Variants in PRPF40B observed in about 807,000 individuals in gnomAD.
PRPF40B encodes the protein pre-mRNA processing factor 40B.
A neutral mutation model predicts 124.5 loss-of-function variants in PRPF40B; 56 were observed. The observed-to-expected ratio is 0.45, with a 90% CI of 0.36 to 0.56. PRPF40B has a LOEUF of 0.56. PRPF40B is among the 20% of genes least tolerant of loss of function. The probability of loss-of-function intolerance (pLI) is 0.00; values close to 1 mark genes in which losing one functional copy is unlikely to be tolerated. For missense variants in PRPF40B, 1,053 were observed against 1,169.5 expected, an observed-to-expected ratio of 0.90 and a Z score of 1.45; for synonymous variants, 443 against 426.4, an observed-to-expected ratio of 1.04 and a Z score of -0.48.
At chr12:49,634,867 T>C in intron 12 of PRPF40B, 1 of 634,456 alleles carries the variant, frequency 1.6e-6, no homozygotes, top group Non-Finnish European at 2.7e-6. Context: ...CTGGATAGGG[T>C]GACTTGAGAA....
chr12:49,641,924 T>C lies in PRPF40B; in HGVS notation c.1784T>C (p.Val595Ala). Reference protein sequence around the residue: ...KDILKDRGFCVEVNTAFEDFA... With the variant: ...KDILKDRGFCAEVNTAFEDFA... ...TACCCACAGGACCGGGGCTTCTGCGTGGAGGTGAACACGGCCTTTGAGGAC... is the reference window on the plus strand; with the variant it reads ...TACCCACAGGACCGGGGCTTCTGCGCGGAGGTGAACACGGCCTTTGAGGAC... The change falls in exon 19 of 26, where the codon GTG becomes GCG. Residue 595 changes from valine to alanine, a missense_variant. Val to Ala is a moderately conservative substitution (Grantham distance 64, BLOSUM62 0). This residue lies in a region of PRPF40B where 895 missense variants were observed against 1,052.2 expected (regional missense o/e 0.85). Coordinates refer to ENST00000548825, the MANE Select transcript of PRPF40B (RefSeq NM_001031698.3). 1 of 1,613,550 alleles carries C rather than the reference T, an allele frequency of 6.2e-7. No individual in the cohort carries two copies. The highest frequency in any genetic ancestry group is 1.1e-5 in the South Asian group (1 of 91,066).
intron 1 of PRPF40B, chr12:49,624,154 ACT>A: frequency 1.0e-6 from 1 of 985,268 alleles, no homozygotes; most frequent in Non-Finnish European, 1.2e-6. Context: ...CAAACTAACG[ACT>A]CTGTGTGACC....
At chr12:49,641,887 C>T in intron 18 of PRPF40B, 21 bp from the exon 19 acceptor site, 1 of 1,607,632 alleles carries the variant, frequency 6.2e-7, no homozygotes, top group Non-Finnish European at 8.5e-7. Context: ...GCCCCTGCTT[C>T]ATGCACTGCT....
chr12:49,633,464 C>G lies in PRPF40B; in HGVS notation c.497C>G (p.Ser166Trp). ...LSQCPWKEYK[S>W]DTGKPYYYNN... ...CAATGTCCCTGGAAAGAGTACAAGT[C>G]GGACACAGGCAAACCTTATTACTAT... Residue 166 changes from serine (S) to tryptophan (W), a missense_variant, in exon 8 of 26, where the codon TCG (serine) becomes TGG (tryptophan). Ser to Trp is a radical substitution (Grantham distance 177). Around this residue, in one of 2 missense-constraint regions of PRPF40B, gnomAD observed 895 missense variants for 1,052.2 expected, o/e 0.85. Transcript: ENST00000548825. 1 of 1,614,156 alleles carries G rather than the reference C, an allele frequency of 6.2e-7. No individual in the cohort carries two copies. Among genetic ancestry groups the G allele is most frequent in the Non-Finnish European group, 8.5e-7 (1 of 1,180,032 alleles).
At chr12:49,624,255 T>G in intron 1 of PRPF40B, 3 of 785,298 alleles carry the variant, frequency 3.8e-6, no homozygotes, top group Non-Finnish European at 4.6e-6. Flanking sequence ...CCCAGATCTC[T>G]TCCAGGGTCT....
intron 6 of PRPF40B, 63 bp downstream of exon 6, chr12:49,632,943 A>T: frequency 6.2e-7 from 1 of 1,611,956 alleles, no homozygotes; most frequent in Non-Finnish European, 8.5e-7. Context: ...CTGATAGTTA[A>T]ATCTTTGGGG....
In PRPF40B at chr12:49,635,034, G is replaced by A; in HGVS notation, c.1002-65G>A. 1.4e-6 allele frequency: 2 copies of A among 1,480,138 alleles called. No individual in the cohort carries two copies. The highest frequency in any genetic ancestry group is 1.8e-6 in the Non-Finnish European group (2 of 1,092,280). The allele number at this position is 1,480,138 out of a possible 1,614,324, so 91.7% of individuals were successfully genotyped here. On this transcript the variant is annotated intron_variant, in intron 12 of 25. Transcript: ENST00000548825. This position sits in a 1 kb window ranked among gnomAD's most constrained non-coding sequence, Gnocchi z 4.1. ...CTGCAGTGTCTCATGACCCTCCAGT[G>A]TGGGCTGTGCAGAGTGGTTCGGGTG...
chr12:49,623,436 T>G, upstream of PRPF40B: 8 of 716,990 alleles, frequency 1.1e-5, no homozygotes, highest in East Asian at 4.1e-5. Flanking sequence ...ACCGGGCCGG[T>G]TGGGGCCCCG....
Position 49,642,349 on chromosome 12 carries a change from G to C in PRPF40B, c.1999G>C (p.Glu667Gln). 6.2e-7 allele frequency: 1 copy of C among 1,613,960 alleles called. No individual in the cohort carries two copies. ...SMLRQAVPALELGTAWEEVRE... is the reference protein window; with the variant it reads ...SMLRQAVPALQLGTAWEEVRE... ...GCTGAGGCAGGCTGTGCCTGCTCTG[G>C]AGCTAGGCACTGCCTGGGAAGAGGT... The change falls in exon 20 of 26, where the codon GAG becomes CAG. Residue 667 changes from glutamate (E) to glutamine (Q), a missense_variant. Around this residue, in one of 2 missense-constraint regions of PRPF40B, gnomAD observed 895 missense variants for 1,052.2 expected, o/e 0.85. Transcript: ENST00000548825. The surrounding 1 kb of genome is among the most constrained non-coding windows in gnomAD (Gnocchi z 5.8).
rs752788631 is a variant in PRPF40B, at chr12:49,631,958, T to C, written c.294+33T>C. ...CTAGGGGCCAGCAGGTAGCAGGCTC[T>C]GCCCTGCAGTCCCGTGAGTCTGACT... On this transcript the variant is annotated intron_variant, in intron 4 of 25. Transcript: ENST00000548825. The surrounding 1 kb of genome is among the most constrained non-coding windows in gnomAD (Gnocchi z 4.3). The C allele has an allele frequency of 3.1e-6, 5 of 1,596,484 alleles. No homozygotes were observed. The Admixed American group carries it at 5.0e-5, about 16-fold the overall frequency.
At chr12:49,623,491 A>AC (rs1327226419), upstream of PRPF40B, 4,592 of 1,201,000 alleles carry the variant, frequency 3.8e-3, 18 homozygotes, top group Non-Finnish European at 4.6e-3. Flanking sequence ...AAGGGGTGCG[A>AC]CCCCCCGCCG....
At chr12:49,639,216 T>G (rs1942267685) in intron 18 of PRPF40B, 1 of 152,188 alleles carries the variant, frequency 6.6e-6, no homozygotes, top group Non-Finnish European at 1.5e-5. Context: ...ACTTATGTCC[T>G]TAGGGAAGGT....
Position 49,643,992 on chromosome 12 carries a change from C to G in PRPF40B, c.2574C>G (p.Ile858Met). 1.9e-6 allele frequency: 3 copies of G among 1,614,170 alleles called. No individual in the cohort carries two copies. The highest frequency in any genetic ancestry group is 2.5e-6 in the Non-Finnish European group (3 of 1,180,038). Residue 858 changes from isoleucine to methionine, a missense_variant, in exon 25 of 26, where the codon ATC (isoleucine) becomes ATG (methionine). Around this residue, in one of 2 missense-constraint regions of PRPF40B, gnomAD observed 895 missense variants for 1,052.2 expected, o/e 0.85. Transcript: ENST00000548825. ...ELPNRSPGFG[I>M]KKEKTGWDTS... Reference sequence around the variant, plus strand: ...CTAACCGTTCCCCAGGCTTTGGAATCAAGAAGGAGAAGGTGAGGGGCAGGG... The same window carrying G: ...CTAACCGTTCCCCAGGCTTTGGAATGAAGAAGGAGAAGGTGAGGGGCAGGG...
Position 49,644,217 on chromosome 12 carries a change from G to T in PRPF40B, c.*25G>T. 1 of 1,612,972 alleles carries T rather than the reference G, an allele frequency of 6.2e-7. No individual in the cohort carries two copies. The highest frequency in any genetic ancestry group is 8.5e-7 in the Non-Finnish European group (1 of 1,179,216). ...ACCCAATGAGCTGTTCTCTGCCTCG[G>T]GTCTGTGTGAGGCCATGGCTCCTGG... On this transcript the variant is annotated 3_prime_UTR_variant, in exon 26 of 26. Coordinates refer to ENST00000548825, the MANE Select transcript of PRPF40B (RefSeq NM_001031698.3).
chr12:49,642,184 C>CT lies in PRPF40B; in HGVS notation c.1885-50dup. On this transcript the variant is annotated intron_variant, in intron 19 of 25. Transcript: ENST00000548825. The surrounding 1 kb of genome is among the most constrained non-coding windows in gnomAD (Gnocchi z 5.8). ...CTCCTAAGGTATGCCTGAGTGGGAC[C>CT]TGGCATCCACCCTCCTGGGTGACCC... 6.2e-7 allele frequency: 1 copy of CT among 1,613,550 alleles called. No homozygotes were observed.
Position 49,631,666 on chromosome 12 carries a change from T to C in PRPF40B, c.228+122T>C. Reference sequence around the variant, plus strand: ...GGAAGGGAGCTTTGGGCCAAACCCATGTGGATTTGTCTGCTGAATGACTGA... The same window carrying C: ...GGAAGGGAGCTTTGGGCCAAACCCACGTGGATTTGTCTGCTGAATGACTGA... On this transcript the variant is annotated intron_variant, in intron 3 of 25. Coordinates refer to ENST00000548825, the MANE Select transcript of PRPF40B (RefSeq NM_001031698.3). This position sits in a 1 kb window ranked among gnomAD's most constrained non-coding sequence, Gnocchi z 4.3. 2 of 1,345,008 alleles carry C rather than the reference T, an allele frequency of 1.5e-6. No homozygotes were observed. The highest frequency in any genetic ancestry group is 2.1e-6 in the Non-Finnish European group (2 of 959,220). 83.3% of individuals were successfully genotyped at this position (1,345,008 alleles called of 1,614,324 possible).
intron 1 of PRPF40B, among the ~76,000 whole-genome samples, 200 bp from the exon 2 acceptor site, chr12:49,630,345 A>C (rs1941100274): frequency 6.6e-6 from 1 of 152,216 alleles, no homozygotes; most frequent in African/African-American, 2.4e-5. Flanking sequence ...GCTGGCTCTG[A>C]GCTGGCACAA....
intron 18 of PRPF40B, chr12:49,641,268 TAA>T (rs555796683): frequency 2.6e-5 from 4 of 152,330 alleles, no homozygotes; most frequent in Non-Finnish European, 5.9e-5. Context: ...TCCCATGGAC[TAA>T]GTCATCTGGG....
intron 1 of PRPF40B, among the ~76,000 whole-genome samples, chr12:49,628,660 G>A (rs1173890825): frequency 6.6e-6 from 1 of 150,546 alleles, no homozygotes; most frequent in African/African-American, 2.5e-5. Flanking sequence ...TCCGCCTCCT[G>A]GGTTCACCTC....
Sources: gnomAD v4.1 joint callset for allele counts (sites outside exome capture counted in the v4.1 genomes callset) on GRCh38, gnomAD v4.1.1 for gene constraint, gnomAD v4.1.1 regional missense constraint, Gnocchi (gnomAD v3.1) non-coding constraint, MANE v1.5 for transcripts, NCBI Gene and HGNC (gene_info 2026-07-23, HGNC 2026-07-21) for gene names.